Variants in ENOX1 observed in about 807,000 individuals in gnomAD.
ENOX1 encodes ecto-NOX disulfide-thiol exchanger 1, also known as candidate growth-related and time keeping constitutive hydroquinone (NADH) oxidase.
ENOX1 carries 42 observed loss-of-function variants against 82.5 expected under a neutral mutation model. The observed-to-expected ratio is 0.51, with a 90% confidence interval of 0.40 to 0.66. ENOX1 has a LOEUF of 0.66. Ranked by LOEUF, ENOX1 falls within the 30% of genes least tolerant of loss-of-function variation. The probability of loss-of-function intolerance (pLI) is 0.00; values close to 1 mark genes in which losing one functional copy is unlikely to be tolerated. For missense variants in ENOX1, 608 were observed against 811.6 expected (o/e 0.75, Z 3.05); for synonymous variants, 271 against 282.2 (o/e 0.96, Z 0.40).
chr13:43,358,901 T>G (rs1407792995), intron 7 of ENOX1, among the ~76,000 whole-genome samples: 1 of 152,242 alleles, frequency 6.6e-6, no homozygotes, highest in East Asian at 1.9e-4. Flanking sequence ...AAGGTTTTAC[T>G]GAAATAAGGG....
chr13:43,500,968 A>G (rs534346614), intron 2 of ENOX1, among the ~76,000 whole-genome samples: 1 of 151,980 alleles, frequency 6.6e-6, no homozygotes, highest in Admixed American at 6.6e-5. Flanking sequence ...AAAAGCTCAC[A>G]TAATAAAACA....
chr13:43,749,048 A>T (rs1950175664), intron 1 of ENOX1, among the ~76,000 whole-genome samples: 1 of 152,190 alleles, frequency 6.6e-6, no homozygotes, highest in Non-Finnish European at 1.5e-5. Context: ...CAAATTAGTA[A>T]CCACAGGTGA....
At chr13:43,486,765 A>G (rs2153659183) in intron 2 of ENOX1, among the ~76,000 whole-genome samples, 1 of 152,326 alleles carries the variant, frequency 6.6e-6, no homozygotes, top group Admixed American at 6.5e-5. Flanking sequence ...TGTATAACTT[A>G]GCCTCCTTAT....
intron 16 of ENOX1, among the ~76,000 whole-genome samples, chr13:43,219,124 C>T (rs1194578992): frequency 1.3e-5 from 2 of 152,198 alleles, no homozygotes; most frequent in East Asian, 3.9e-4. Flanking sequence ...CAGGGATTCT[C>T]TCTAAGCTCC....
intron 3 of ENOX1, among the ~76,000 whole-genome samples, chr13:43,474,855 A>G (rs1299915885): frequency 6.6e-6 from 1 of 152,158 alleles, no homozygotes; most frequent in African/African-American, 2.4e-5. Flanking sequence ...CAGCAGGTCT[A>G]TTACTAGACA....
At chr13:43,495,874 T>C (rs1470832922) in intron 2 of ENOX1, among the ~76,000 whole-genome samples, 1 of 152,034 alleles carries the variant, frequency 6.6e-6, no homozygotes, top group Non-Finnish European at 1.5e-5. Flanking sequence ...CTTTTTCTTG[T>C]GGATGTGAAG....
chr13:43,619,631 T>C (rs2082637458), intron 2 of ENOX1, among the ~76,000 whole-genome samples: 1 of 152,178 alleles, frequency 6.6e-6, no homozygotes, highest in African/African-American at 2.4e-5. Context: ...ATCTTTTCGA[T>C]ATGTTGTTGG....
chr13:43,580,046 A>T (rs1050865101), intron 2 of ENOX1, among the ~76,000 whole-genome samples: 7 of 152,134 alleles, frequency 4.6e-5, no homozygotes, highest in Non-Finnish European at 8.8e-5. Flanking sequence ...ATGCCTTTTT[A>T]AAAAAGAAGA....
At chr13:43,781,244 A>T (rs1952238238) in intron 1 of ENOX1, among the ~76,000 whole-genome samples, 1 of 152,198 alleles carries the variant, frequency 6.6e-6, no homozygotes, top group Non-Finnish European at 1.5e-5. Flanking sequence ...AGCTTGAAAT[A>T]CTTGCAGCAT....
intron 3 of ENOX1, among the ~76,000 whole-genome samples, chr13:43,477,455 C>G (rs1015028347): frequency 3.3e-5 from 5 of 152,060 alleles, no homozygotes; most frequent in African/African-American, 7.2e-5. Flanking sequence ...AGGAGCTGTT[C>G]TAGTAAGTCT....
chr13:43,670,983 C>A (rs2085240290), intron 1 of ENOX1, among the ~76,000 whole-genome samples: 1 of 152,126 alleles, frequency 6.6e-6, no homozygotes, highest in African/African-American at 2.4e-5. Context: ...CTCTGTGTCC[C>A]TACCCAAATC....
At chr13:43,285,766 C>T (rs535799010) in intron 12 of ENOX1, among the ~76,000 whole-genome samples, 4 of 143,724 alleles carry the variant, frequency 2.8e-5, no homozygotes, top group East Asian at 4.2e-4. Flanking sequence ...GCCGAGATTG[C>T]GCCACTGCAC....
chr13:43,646,577 CGT>C (rs1555350305), intron 2 of ENOX1, among the ~76,000 whole-genome samples: 1 of 152,168 alleles, frequency 6.6e-6, no homozygotes, highest in Non-Finnish European at 1.5e-5. Context: ...TTATTAGAAT[CGT>C]CATCTGTACA....
rs117019812 is a variant in ENOX1, at chr13:43,773,954, G to A, written c.-285+12698C>T. On this transcript the variant is annotated intron_variant, in intron 1 of 16. Coordinates refer to ENST00000690772, the MANE Select transcript of ENOX1 (RefSeq NM_001347969.2). ...ACAAAATGATTAAAGGCCTATAATC[G>A]CAATATGATATGAAAAATAAAATGT... Among the ~76,000 whole-genome samples, 1,169 of 152,062 alleles carry A rather than the reference G, an allele frequency of 7.7e-3. 5 individuals carry two copies. The highest frequency in any genetic ancestry group is 0.013 in the Non-Finnish European group (868 of 67,990).
At chr13:43,664,787 C>A (rs1426696190) in intron 2 of ENOX1, among the ~76,000 whole-genome samples, 10 of 152,154 alleles carry the variant, frequency 6.6e-5, no homozygotes, top group Non-Finnish European at 1.5e-4. Context: ...GGAACTCTGC[C>A]TGCATGCATC....
At chr13:43,468,707 G>A (rs1468013672) in intron 3 of ENOX1, among the ~76,000 whole-genome samples, 1 of 151,698 alleles carries the variant, frequency 6.6e-6, no homozygotes, top group African/African-American at 2.4e-5. Context: ...TATTTGGGGA[G>A]TACTGACATT....
At chr13:43,378,444 T>TA (rs1284296305) in intron 5 of ENOX1, among the ~76,000 whole-genome samples, 3 of 152,186 alleles carry the variant, frequency 2.0e-5, no homozygotes, top group Non-Finnish European at 4.4e-5. Flanking sequence ...ATGTGTGTGA[T>TA]AAAACTACAC....
At position 43,361,306 on chromosome 13, in the gene ENOX1, T is replaced by A. The variant is rs770122350; in HGVS notation, c.355A>T (p.Ser119Cys). The change falls in exon 6 of 17, where the codon AGC becomes TGC. Residue 119 changes from serine (S) to cysteine (C), a missense_variant. Ser to Cys is a moderately radical substitution (Grantham distance 112). Transcript: ENST00000690772. ...GGATTTTGAGGAAAAAGAGTACAGC[T>A]TTTGCAGTGGATTATTTCTTTGACA... ...AVVKEIIHCK[S>C]CTLFPQNPNL... 6.2e-7 allele frequency: 1 copy of A among 1,613,744 alleles called. No individual in the cohort carries two copies. The highest frequency in any genetic ancestry group is 2.2e-5 in the East Asian group (1 of 44,872).
At chr13:43,759,809 T>A (rs550258634) in intron 1 of ENOX1, among the ~76,000 whole-genome samples, 1 of 152,342 alleles carries the variant, frequency 6.6e-6, no homozygotes, top group East Asian at 1.9e-4. Flanking sequence ...GACTACAGCA[T>A]AATCAAGCTG....
Sources: allele counts gnomAD v4.1 joint callset (sites outside exome capture counted in the v4.1 genomes callset), GRCh38; gene constraint gnomAD v4.1.1; transcripts MANE v1.5; gene names NCBI Gene and HGNC (gene_info 2026-07-23, HGNC 2026-07-21).